SPAG9: variants seen among roughly 807,000 people sequenced by gnomAD.
SPAG9 encodes the protein C-Jun-amino-terminal kinase-interacting protein 4.
Under a neutral mutation model 166.5 loss-of-function variants are expected in SPAG9, and 35 were observed. That is an observed-to-expected ratio of 0.21 (90% CI 0.16 to 0.28). SPAG9 has a LOEUF of 0.28. SPAG9 is among the 10% of genes least tolerant of loss of function. SPAG9 has a pLI of 1.00. For synonymous variants in SPAG9, 534 were observed against 565.5 expected (o/e 0.94, Z 0.79); for missense variants, 1,235 against 1,603.3 (o/e 0.77, Z 3.92).
At chr17:50,994,742 CTG>C (rs1449909323) in intron 18 of SPAG9, among the ~76,000 whole-genome samples, 1 of 152,152 alleles carries the variant, frequency 6.6e-6, no homozygotes, top group Non-Finnish European at 1.5e-5. Context: ...GAGTGAGACT[CTG>C]TCTCTAAACA....
chr17:51,077,093 T>TCTAGCTAGCTAGCTAGCTATCTAGCTAG (rs879689153), intron 2 of SPAG9, among the ~76,000 whole-genome samples: 8 of 56,116 alleles, frequency 1.4e-4, no homozygotes, highest in African/African-American at 4.0e-4. Flanking sequence ...TAGCTAGCTA[T>TCTAGCTAGCTAGCTAGCTATCTAGCTAG]CTATCTAGCT....
intron 1 of SPAG9, among the ~76,000 whole-genome samples, chr17:51,116,250 T>G (rs1391708666): frequency 2.0e-5 from 3 of 152,124 alleles, no homozygotes; most frequent in Non-Finnish European, 4.4e-5. Flanking sequence ...TTCATCATGT[T>G]GGCGAGGCTG....
chr17:51,056,056 A>C (rs2047354478), intron 3 of SPAG9, among the ~76,000 whole-genome samples: 1 of 152,226 alleles, frequency 6.6e-6, no homozygotes, highest in Non-Finnish European at 1.5e-5. Context: ...ACCAATCCAT[A>C]ATTTCCAAAC....
chr17:50,967,054 G>A (rs1315154809), intron 29 of SPAG9, among the ~76,000 whole-genome samples: 1 of 152,180 alleles, frequency 6.6e-6, no homozygotes, highest in Non-Finnish European at 1.5e-5. Context: ...TCTGCATCAC[G>A]GCTAAGTGAA....
At chr17:51,058,890 C>T (rs1274494235) in intron 2 of SPAG9, among the ~76,000 whole-genome samples, 2 of 152,132 alleles carry the variant, frequency 1.3e-5, no homozygotes, top group Admixed American at 6.5e-5. Flanking sequence ...AGTTAAGTTT[C>T]GAATGTTTGC....
chr17:51,118,630 A>T (rs1352460074), intron 1 of SPAG9, among the ~76,000 whole-genome samples: 2 of 152,238 alleles, frequency 1.3e-5, no homozygotes, highest in Non-Finnish European at 1.5e-5. Flanking sequence ...TGAAGCAGCA[A>T]GTAGCACTTG....
intron 1 of SPAG9, among the ~76,000 whole-genome samples, chr17:51,117,322 C>G (rs2049318135): frequency 6.6e-6 from 1 of 152,158 alleles, no homozygotes; most frequent in South Asian, 2.1e-4. Flanking sequence ...ACTTTACTCT[C>G]TCTGGTGATG....
At chr17:51,010,716 G>A (rs2045446287) in intron 9 of SPAG9, among the ~76,000 whole-genome samples, 1 of 151,912 alleles carries the variant, frequency 6.6e-6, no homozygotes. Context: ...CACTAAAACA[G>A]TGCCTGTTGG....
intron 1 of SPAG9, among the ~76,000 whole-genome samples, chr17:51,104,709 G>A (rs974677287): frequency 1.3e-5 from 2 of 151,716 alleles, no homozygotes; most frequent in East Asian, 1.9e-4. Flanking sequence ...CGAGGCGGGC[G>A]GATCACGAGG....
intron 19 of SPAG9, 141 bp from the exon 20 acceptor site, chr17:50,990,809 TAAAC>T (rs1331842266): frequency 3.2e-6 from 2 of 617,644 alleles, no homozygotes; most frequent in Admixed American, 5.9e-5. Flanking sequence ...TAAATTTACA[TAAAC>T]AAATCTTCAC....
Position 51,050,199 on chromosome 17 carries a change from T to G in SPAG9, c.496-2730A>C, listed in dbSNP as rs2047143385. On this transcript the variant is annotated intron_variant, in intron 3 of 29. Coordinates refer to ENST00000262013, the MANE Select transcript of SPAG9 (RefSeq NM_001130528.3). ...TGACATTCCAAAATTATCTATATAA[T>G]GAAATCAATTCTAACTCAACCAAAC... Among the ~76,000 whole-genome samples the G allele has an allele frequency of 2.6e-5, 4 of 152,168 alleles. No individual in the cohort carries two copies. The South Asian group carries it at 8.3e-4, about 32-fold the overall frequency.
chr17:50,994,977 G>T, intron 18 of SPAG9, 80 bp downstream of exon 18: 1 of 1,072,142 alleles, frequency 9.3e-7, no homozygotes, highest in Non-Finnish European at 1.4e-6. Flanking sequence ...ATTAGAAGCT[G>T]GACCCAGAGG....
At chr17:50,977,258 A>G in intron 26 of SPAG9, 37 bp from the exon 27 acceptor site, 1 of 1,272,568 alleles carries the variant, frequency 7.9e-7, no homozygotes, top group Non-Finnish European at 1.1e-6. Context: ...TTGAGAAACT[A>G]AAGCAGACAG....
chr17:51,018,785 C>T (rs1018435017), intron 8 of SPAG9, among the ~76,000 whole-genome samples: 2 of 152,160 alleles, frequency 1.3e-5, no homozygotes, highest in East Asian at 1.9e-4. Context: ...AATAAGCATG[C>T]TCCATAGCCA....
At chr17:51,080,959 T>C (rs2048147656) in intron 1 of SPAG9, among the ~76,000 whole-genome samples, 1 of 150,448 alleles carries the variant, frequency 6.6e-6, no homozygotes, top group Non-Finnish European at 1.5e-5. Context: ...GCTCCTCTCC[T>C]GGTCTTCTCT....
chr17:50,971,853 C>T (rs190969376), intron 28 of SPAG9, among the ~76,000 whole-genome samples: 51 of 152,210 alleles, frequency 3.4e-4, no homozygotes, highest in African/African-American at 1.1e-3. Flanking sequence ...CTGCAACCTT[C>T]GCCTCTGGGG....
At chr17:51,089,659 T>TAC (rs1225367095) in intron 1 of SPAG9, among the ~76,000 whole-genome samples, 3 of 103,118 alleles carry the variant, frequency 2.9e-5, no homozygotes, top group African/African-American at 7.9e-5. Flanking sequence ...TATATATATA[T>TAC]ATATACACAT....
intron 1 of SPAG9, among the ~76,000 whole-genome samples, chr17:51,086,190 G>A (rs2144666631): frequency 6.6e-6 from 1 of 151,768 alleles, no homozygotes; most frequent in African/African-American, 2.4e-5. Context: ...ATGTTGGCTG[G>A]GCTGGTCTCA....
chr17:50,998,022 ATTTTTTTTTTT>A (rs563896612), intron 15 of SPAG9, among the ~76,000 whole-genome samples: 10 of 90,804 alleles, frequency 1.1e-4, no homozygotes, highest in East Asian at 3.1e-4. Flanking sequence ...TACAGAAATG[ATTTTTTTTTTT>A]TTTTTTTTTT....
Sources: allele counts gnomAD v4.1 joint callset (sites outside exome capture counted in the v4.1 genomes callset), GRCh38; gene constraint gnomAD v4.1.1; transcripts MANE v1.5; gene names NCBI Gene and HGNC (gene_info 2026-07-23, HGNC 2026-07-21).